The following EPB41L1 variants were observed in gnomAD, a reference collection of about 807,000 sequenced individuals.
EPB41L1 encodes band 4.1-like protein 1.
A neutral mutation model predicts 97.8 loss-of-function variants in EPB41L1; 29 were observed. That is an observed-to-expected ratio of 0.30 (90% CI 0.22 to 0.40). The LOEUF (loss-of-function observed/expected upper bound fraction) is 0.40. EPB41L1 is among the 10% of genes least tolerant of loss of function. The pLI is 1.00. For synonymous variants in EPB41L1, 383 were observed against 459.2 expected (o/e 0.83, Z 2.12); for missense variants, 812 against 1,162.3 (o/e 0.70, Z 4.38).
chr20:36,222,932 T>C (rs891541800), intron 21 of EPB41L1, among the ~76,000 whole-genome samples: 1 of 152,200 alleles, frequency 6.6e-6, no homozygotes, highest in Non-Finnish European at 1.5e-5. Context: ...AGTCTTGCTC[T>C]GTCACCCAGG....
At chr20:36,127,526 A>T (rs914684217) in intron 2 of EPB41L1, among the ~76,000 whole-genome samples, 1 of 152,064 alleles carries the variant, frequency 6.6e-6, no homozygotes, top group African/African-American at 2.4e-5. Flanking sequence ...TTCGTCTTTC[A>T]CTAATCCTGG....
chr20:36,167,168 G>A (rs750843051), intron 1 of EPB41L1, among the ~76,000 whole-genome samples: 3 of 152,164 alleles, frequency 2.0e-5, no homozygotes, highest in Non-Finnish European at 4.4e-5. Context: ...CTGCCAAGCT[G>A]TCCATGCAGA....
At chr20:36,215,105 G>A (rs1310403514) in intron 17 of EPB41L1, among the ~76,000 whole-genome samples, 1 of 151,292 alleles carries the variant, frequency 6.6e-6, no homozygotes, top group African/African-American at 2.4e-5. Context: ...ACAGGTTGTG[G>A]TTCCAGTCAA....
chr20:36,155,900 C>G, intron 1 of EPB41L1: 1 of 248,472 alleles, frequency 4.0e-6, no homozygotes, highest in South Asian at 3.8e-5. Flanking sequence ...TGGCTTCATT[C>G]CCACCCCATC....
rs576683490 is a variant in EPB41L1, at chr20:36,190,132, C to A, written c.1027-145C>A. 129 of 675,636 alleles carry A rather than the reference C, an allele frequency of 1.9e-4. No individual in the cohort carries two copies. In the African/African-American group the frequency reaches 2.1e-3, roughly 11 times the overall value. 41.9% of individuals were successfully genotyped at this position (675,636 alleles called of 1,614,324 possible). On this transcript the variant is annotated intron_variant, in intron 9 of 21. Transcript: ENST00000338074. The surrounding 1 kb of genome is among the most constrained non-coding windows in gnomAD (Gnocchi z 5.8). ...TCAAGGTTACAGTGAGCTATGATTG[C>A]GCCACTGTACTCCACCCTGGGCAAA...
chr20:36,118,329 G>A (rs979694455), intron 2 of EPB41L1, among the ~76,000 whole-genome samples: 1 of 151,770 alleles, frequency 6.6e-6, no homozygotes, highest in Non-Finnish European at 1.5e-5. Flanking sequence ...CTGCACTCCA[G>A]CCTGGACTAC....
At chr20:36,215,833 C>G (rs1421702878) in intron 17 of EPB41L1, among the ~76,000 whole-genome samples, 2 of 152,212 alleles carry the variant, frequency 1.3e-5, no homozygotes, top group Non-Finnish European at 2.9e-5. Context: ...AAATGACCAT[C>G]ATGAGCACCT....
At chr20:36,175,739 T>A in intron 3 of EPB41L1, 24 bp downstream of exon 3, 1 of 1,613,520 alleles carries the variant, frequency 6.2e-7, no homozygotes, top group Middle Eastern at 1.7e-4. Flanking sequence ...GAGTGCCATA[T>A]GTCCCGTCCC....
chr20:36,169,688 G>C (rs1600714187), intron 1 of EPB41L1, among the ~76,000 whole-genome samples: 1 of 152,138 alleles, frequency 6.6e-6, no homozygotes, highest in African/African-American at 2.4e-5. Flanking sequence ...CAGCTCAAAT[G>C]CTCTCCCTGC....
At chr20:36,148,768 T>C (rs939289043) in intron 2 of EPB41L1, 1 of 152,302 alleles carries the variant, frequency 6.6e-6, no homozygotes, top group Non-Finnish European at 1.5e-5. Flanking sequence ...GCTGTGGGTA[T>C]AGAAGAGGAA....
chr20:36,179,255 C>T (rs774154981), intron 5 of EPB41L1, among the ~76,000 whole-genome samples: 7 of 152,064 alleles, frequency 4.6e-5, no homozygotes, highest in Admixed American at 1.3e-4. Flanking sequence ...ACATTCAGGA[C>T]GCCAGCTCTA....
At chr20:36,129,377 T>C (rs1262342226) in intron 2 of EPB41L1, among the ~76,000 whole-genome samples, 1 of 152,112 alleles carries the variant, frequency 6.6e-6, no homozygotes, top group African/African-American at 2.4e-5. Flanking sequence ...TGGTTTGCAT[T>C]GTAAATACTG....
chr20:36,173,931 C>G lies in EPB41L1; in HGVS notation c.154C>G (p.Gln52Glu), dbSNP rs573702846. 1 of 1,613,712 alleles carries G rather than the reference C, an allele frequency of 6.2e-7. No individual in the cohort carries two copies. The highest frequency in any genetic ancestry group is 1.3e-5 in the African/African-American group (1 of 75,054). ...ANSNEKHPSQQDTRPAEQSLD... is the reference protein window; with the variant it reads ...ANSNEKHPSQEDTRPAEQSLD... The stretch of plus-strand genomic sequence containing the variant: ...CTCCAATGAGAAGCATCCATCCCAG[C>G]AGGACACGCGGCCTGCTGAACAGGT... The change falls in exon 2 of 22, where the codon CAG becomes GAG. Residue 52 changes from glutamine (Q) to glutamate (E), a missense_variant. Coordinates refer to ENST00000338074, the MANE Select transcript of EPB41L1 (RefSeq NM_012156.2).
chr20:36,111,620 T>C (rs2058403695), intron 1 of EPB41L1, among the ~76,000 whole-genome samples: 1 of 151,946 alleles, frequency 6.6e-6, no homozygotes, highest in South Asian at 2.1e-4. Context: ...ACCTCGTCTC[T>C]ACTAAAAATA....
At chr20:36,197,089 C>A (rs2062242493) in intron 13 of EPB41L1, among the ~76,000 whole-genome samples, 1 of 152,110 alleles carries the variant, frequency 6.6e-6, no homozygotes, top group Non-Finnish European at 1.5e-5. Flanking sequence ...CTGTATCTCA[C>A]CCTGTCTGCT....
chr20:36,162,767 G>C (rs2060584350), intron 1 of EPB41L1, among the ~76,000 whole-genome samples: 1 of 152,238 alleles, frequency 6.6e-6, no homozygotes, highest in African/African-American at 2.4e-5. Flanking sequence ...AAGCTTTTGG[G>C]CAAGAAGCCA....
intron 14 of EPB41L1, among the ~76,000 whole-genome samples, chr20:36,202,051 A>G (rs921753003): frequency 3.7e-4 from 56 of 152,200 alleles, no homozygotes; most frequent in Non-Finnish European, 7.3e-5. Flanking sequence ...GAACAAAACT[A>G]TCCGCACACT....
intron 7 of EPB41L1, among the ~76,000 whole-genome samples, chr20:36,185,611 G>A (rs914428501): frequency 3.9e-5 from 6 of 152,198 alleles, no homozygotes; most frequent in Non-Finnish European, 7.3e-5. Flanking sequence ...AAGTTTATCT[G>A]CCAACTGGAG....
intron 2 of EPB41L1, among the ~76,000 whole-genome samples, chr20:36,118,358 CAA>C (rs1009877629): frequency 4.4e-5 from 6 of 137,260 alleles, no homozygotes; most frequent in Admixed American, 7.3e-5. Flanking sequence ...GACTCCATCT[CAA>C]AAAAAAAAAA....
Sources: gnomAD v4.1 joint callset for allele counts (sites outside exome capture counted in the v4.1 genomes callset) on GRCh38, gnomAD v4.1.1 for gene constraint, Gnocchi (gnomAD v3.1) non-coding constraint, MANE v1.5 for transcripts, NCBI Gene and HGNC (gene_info 2026-07-23, HGNC 2026-07-21) for gene names.